The following JAKMIP2 variants were observed in gnomAD, a reference collection of about 807,000 sequenced individuals.
The protein encoded by JAKMIP2 is janus kinase and microtubule interacting protein 2.
A neutral mutation model predicts 115.0 loss-of-function variants in JAKMIP2; 25 were observed. The ratio of observed to expected loss-of-function variants is 0.22; its 90% CI spans 0.16 to 0.30. The LOEUF (loss-of-function observed/expected upper bound fraction) is 0.30. JAKMIP2 is among the 10% of genes least tolerant of loss of function. The pLI, the probability that JAKMIP2 is intolerant of heterozygous loss-of-function variation, is 1.00. For missense variants in JAKMIP2, 642 were observed against 957.6 expected, an observed-to-expected ratio of 0.67 and a Z score of 4.35; for synonymous variants, 334 against 343.6, an observed-to-expected ratio of 0.97 and a Z score of 0.31.
intron 18 of JAKMIP2, 127 bp from the exon 19 acceptor site, chr5:147,618,241 T>C (rs1756680565): frequency 2.8e-6 from 2 of 705,790 alleles, no homozygotes; most frequent in East Asian, 5.1e-5. Flanking sequence ...AGCAAGAAAA[T>C]AATTTTAAAA....
chr5:147,776,037 T>G lies in JAKMIP2; in HGVS notation c.-149+6419A>C, dbSNP rs1755541606. On this transcript the variant is annotated intron_variant, in intron 1 of 21. Coordinates refer to ENST00000616793, the MANE Select transcript of JAKMIP2 (RefSeq NM_001270941.2). ...GGAATTTTCTCCAAGGTATTATGTT[T>G]AAAGCTCAAAGTTTAAGAAGAGTCA... Among the ~76,000 whole-genome samples, 5 of 152,302 alleles carry G rather than the reference T, an allele frequency of 3.3e-5. No homozygotes were observed. The East Asian group carries it at 5.8e-4, about 18-fold the overall frequency.
rs539058132 is a variant in JAKMIP2 at position 147,753,519 on chromosome 5, G to A, written c.-149+28937C>T. 2.2e-4 allele frequency among the ~76,000 whole-genome samples: 33 copies of A among 152,334 alleles called. No homozygotes were observed. The South Asian group carries it at 6.4e-3, about 30-fold the overall frequency. ...GGCTCCTCAGCTGCCACCGAGCGTT[G>A]CTCTGTGCAAATGCAACCACACGAT... On this transcript the variant is annotated intron_variant, in intron 1 of 21. Transcript: ENST00000616793.
rs984088934 is a variant in JAKMIP2, at chr5:147,617,917, G to C, written c.2340C>G (p.Ala780=). 1.5e-5 allele frequency: 24 copies of C among 1,613,790 alleles called. 1 individual carries two copies. Among genetic ancestry groups the C allele is most frequent in the Non-Finnish European group, 1.8e-5 (21 of 1,179,858 alleles). ...GCAGTGACTCAGTCCTCACCTGATG[G>C]GCTTGCTGTAAGAGCTCCATTCTCT... is the stretch of plus-strand genomic sequence containing the variant. ...LQERMELLQQ[A]HQRIRDLEDK... Residue 780 remains alanine, a synonymous_variant, in exon 19 of 22, where the codon GCC becomes GCG. Coordinates refer to ENST00000616793, the MANE Select transcript of JAKMIP2 (RefSeq NM_001270941.2).
rs1753338858 is a variant in JAKMIP2 at position 147,722,172 on chromosome 5, T to C, written c.-148-50218A>G. Among the ~76,000 whole-genome samples the C allele has an allele frequency of 2.0e-5, 3 of 152,224 alleles. No individual in the cohort carries two copies. In the South Asian group the frequency reaches 6.2e-4, roughly 32 times the overall value. On this transcript the variant is annotated intron_variant, in intron 1 of 21. Transcript: ENST00000616793. ...TTTAAAAAATCAACCGATTGCTGTT[T>C]GTAATCTCTCCCTGATTTTGCTGCA...
intron 1 of JAKMIP2, among the ~76,000 whole-genome samples, chr5:147,721,289 C>G (rs1037415329): frequency 1.1e-4 from 16 of 152,136 alleles, no homozygotes; most frequent in African/African-American, 2.7e-4. Context: ...GCAGAGGTTA[C>G]TGCTGTCTTT....
At chr5:147,703,809 C>T (rs571590232) in intron 1 of JAKMIP2, among the ~76,000 whole-genome samples, 1 of 151,946 alleles carries the variant, frequency 6.6e-6, no homozygotes, top group Non-Finnish European at 1.5e-5. Context: ...AAACTTCTGA[C>T]TCTTTTGTAA....
At chr5:147,742,156 T>TATATA (rs1554084271) in intron 1 of JAKMIP2, among the ~76,000 whole-genome samples, 6 of 84,060 alleles carry the variant, frequency 7.1e-5, no homozygotes, top group Non-Finnish European at 1.1e-4. Context: ...TATATATATA[T>TATATA]TTTTTTTACT....
chr5:147,710,412 A>G (rs575938789), intron 1 of JAKMIP2, among the ~76,000 whole-genome samples: 5 of 152,350 alleles, frequency 3.3e-5, no homozygotes, highest in Admixed American at 3.3e-4. Flanking sequence ...TATAAATTTT[A>G]TATACAGCAA....
intron 1 of JAKMIP2, among the ~76,000 whole-genome samples, chr5:147,724,498 G>A (rs1210710696): frequency 6.6e-6 from 1 of 152,154 alleles, no homozygotes; most frequent in East Asian, 1.9e-4. Flanking sequence ...ATTGGTCTAA[G>A]TGCCTTATAG....
At chr5:147,718,943 G>A (rs1179902956) in intron 1 of JAKMIP2, among the ~76,000 whole-genome samples, 2 of 132,416 alleles carry the variant, frequency 1.5e-5, no homozygotes, top group African/African-American at 3.0e-5. Flanking sequence ...TGATGTTAGG[G>A]TGTCAATTTT....
In JAKMIP2 at chr5:147,590,580, T is replaced by G. The variant is rs1755059306; in HGVS notation, c.*1127A>C. 6.6e-6 allele frequency: 1 copy of G among 152,170 alleles called. No individual in the cohort carries two copies. Among genetic ancestry groups the G allele is most frequent in the Non-Finnish European group, 1.5e-5 (1 of 68,026 alleles). 9.4% of individuals were successfully genotyped at this position (152,170 alleles called of 1,614,324 possible). ...GTGAGGATTCTTTAAAAAATAATAG[T>G]TTAGTTTAATATTCACATCTCTGTG... On this transcript the variant is annotated 3_prime_UTR_variant, in exon 22 of 22. Transcript: ENST00000616793.
chr5:147,782,460 C>T lies in JAKMIP2; in HGVS notation c.-153G>A. 2 of 1,536,018 alleles carry T rather than the reference C, an allele frequency of 1.3e-6. No homozygotes were observed. The highest frequency in any genetic ancestry group is 1.7e-6 in the Non-Finnish European group (2 of 1,146,828). On this transcript the variant is annotated 5_prime_UTR_variant, in exon 1 of 22. Coordinates refer to ENST00000616793, the MANE Select transcript of JAKMIP2 (RefSeq NM_001270941.2). ...GCCCTACTGTTTCCTACTCACCATGCTGAGACCCGGAGAAGCTGTTTAAAG... is the reference window on the plus strand; with the variant it reads ...GCCCTACTGTTTCCTACTCACCATGTTGAGACCCGGAGAAGCTGTTTAAAG...
At chr5:147,597,309 GT>G (rs1206850027) in intron 21 of JAKMIP2, among the ~76,000 whole-genome samples, 4 of 151,968 alleles carry the variant, frequency 2.6e-5, no homozygotes, top group Admixed American at 6.6e-5. Flanking sequence ...TTTTTCTTAA[GT>G]TTTTTTCCAT....
intron 16 of JAKMIP2, among the ~76,000 whole-genome samples, chr5:147,628,461 G>T (rs988946859): frequency 5.9e-5 from 9 of 152,012 alleles, no homozygotes; most frequent in African/African-American, 2.2e-4. Flanking sequence ...TTCCCAGCTT[G>T]GTAGGGATTG....
At chr5:147,632,217 A>G (rs1195033224) in intron 13 of JAKMIP2, among the ~76,000 whole-genome samples, 1 of 152,112 alleles carries the variant, frequency 6.6e-6, no homozygotes, top group Non-Finnish European at 1.5e-5. Flanking sequence ...TGCATTAGGG[A>G]CTAAAACGTT....
At chr5:147,744,056 TTC>T (rs1457763351) in intron 1 of JAKMIP2, among the ~76,000 whole-genome samples, 30 of 148,428 alleles carry the variant, frequency 2.0e-4, no homozygotes, top group African/African-American at 2.2e-4. Flanking sequence ...CCTTCCTTCC[TTC>T]CTCTCTCTTT....
chr5:147,704,081 T>C (rs1204143318), intron 1 of JAKMIP2, among the ~76,000 whole-genome samples: 2 of 152,130 alleles, frequency 1.3e-5, no homozygotes, highest in African/African-American at 4.8e-5. Context: ...AACTGTCATC[T>C]CCTATATTAA....
rs549596130 is a variant in JAKMIP2, at chr5:147,615,110, T to C, written c.2347-2739A>G. ...GCTCTGCCCCTGTCCCTCTGTGAGATAGATGAGAGTAGTGATCTGTATGTC... is the reference window on the plus strand; with the variant it reads ...GCTCTGCCCCTGTCCCTCTGTGAGACAGATGAGAGTAGTGATCTGTATGTC... On this transcript the variant is annotated intron_variant, in intron 19 of 21. Transcript: ENST00000616793. Among the ~76,000 whole-genome samples the C allele has an allele frequency of 5.9e-5, 9 of 152,338 alleles. No homozygotes were observed. The East Asian group carries it at 1.3e-3, about 23-fold the overall frequency.
chr5:147,619,975 C>T (rs1756771161), intron 18 of JAKMIP2, among the ~76,000 whole-genome samples: 1 of 152,148 alleles, frequency 6.6e-6, no homozygotes, highest in African/African-American at 2.4e-5. Context: ...ACACATTATT[C>T]CACCACTAGA....
Sources: gnomAD v4.1 joint callset for allele counts (sites outside exome capture counted in the v4.1 genomes callset) on GRCh38, gnomAD v4.1.1 for gene constraint, MANE v1.5 for transcripts, NCBI Gene and HGNC (gene_info 2026-07-23, HGNC 2026-07-21) for gene names.